The following XNDC1N variants were observed in gnomAD, a reference collection of about 807,000 sequenced individuals.
XNDC1N encodes XRCC1 N-terminal domain containing 1, N-terminal like.
the XNDC1N span, among the ~76,000 whole-genome samples, chr11:71,885,010 C>T: frequency 7.2e-5 from 11 of 152,158 alleles, no homozygotes; most frequent in African/African-American, 2.2e-4. Context: ...TTTTAGGATC[C>T]GCGGTGGATA....
chr11:71,898,777 T>C, the XNDC1N span, among the ~76,000 whole-genome samples: 3 of 152,284 alleles, frequency 2.0e-5, no homozygotes, highest in South Asian at 2.1e-4. Flanking sequence ...AAAACTGTTC[T>C]GGAGACGATG....
chr11:71,917,551 T>C, the XNDC1N span: 6 of 703,546 alleles, frequency 8.5e-6, no homozygotes, highest in African/African-American at 5.2e-5. Flanking sequence ...GCACTCACAG[T>C]CCTCTTTAGT....
At chr11:71,887,376 A>G in the XNDC1N span, among the ~76,000 whole-genome samples, 226 of 152,240 alleles carry the variant, frequency 1.5e-3, no homozygotes, top group Middle Eastern at 0.01. Context: ...GCAAGCTGAG[A>G]GCCACTATCT....
At chr11:71,917,366 G>A in the XNDC1N span, 14 of 610,380 alleles carry the variant, frequency 2.3e-5, no homozygotes, top group South Asian at 9.9e-5. Context: ...GGGCCCTACC[G>A]AACCACAAGT....
At chr11:71,917,659 T>C in the XNDC1N span, 1 of 703,346 alleles carries the variant, frequency 1.4e-6, no homozygotes, top group African/African-American at 1.7e-5. Context: ...GTTCTTCCCC[T>C]GCTTTGAATC....
At chr11:71,917,424 A>G in the XNDC1N span, 2 of 629,638 alleles carry the variant, frequency 3.2e-6, no homozygotes, top group East Asian at 5.5e-5. Flanking sequence ...CCCAGCTAGC[A>G]TGCATCCTCA....
chr11:71,916,322 A>G, the XNDC1N span: 1 of 688,520 alleles, frequency 1.5e-6, no homozygotes, highest in South Asian at 1.5e-5. Flanking sequence ...AGAGGAAGAA[A>G]AGGTCAATAC....
chr11:71,878,287 G>A, the XNDC1N span, among the ~76,000 whole-genome samples: 4 of 152,162 alleles, frequency 2.6e-5, no homozygotes, highest in African/African-American at 9.7e-5. Flanking sequence ...CATGATGATT[G>A]CATGCTGTCT....
At chr11:71,903,498 T>C in the XNDC1N span, 8,794 of 739,764 alleles carry the variant, frequency 0.012, 538 homozygotes, top group African/African-American at 0.14. Context: ...GATGTCTCTC[T>C]TTGCCATTTT....
chr11:71,925,616 T>G, the XNDC1N span, among the ~76,000 whole-genome samples: 1 of 152,114 alleles, frequency 6.6e-6, no homozygotes. Flanking sequence ...TTTAGAGATA[T>G]AAAAATAATA....
chr11:71,910,634 G>A, the XNDC1N span, among the ~76,000 whole-genome samples: 2 of 152,198 alleles, frequency 1.3e-5, no homozygotes, highest in African/African-American at 4.8e-5. Flanking sequence ...GGTAGAAGGT[G>A]TCCAAGAAGA....
At chr11:71,928,368 G>A in the XNDC1N span, 1 of 671,380 alleles carries the variant, frequency 1.5e-6, no homozygotes, top group Admixed American at 2.1e-5. Flanking sequence ...CCCTCACCCG[G>A]GACCGTGGAC....
chr11:71,926,259 C>A, the XNDC1N span, among the ~76,000 whole-genome samples: 3 of 151,954 alleles, frequency 2.0e-5, no homozygotes, highest in Admixed American at 2.0e-4. Flanking sequence ...GACAGTGAAA[C>A]CCTGTCTCAA....
At chr11:71,883,978 T>C in the XNDC1N span, among the ~76,000 whole-genome samples, 1 of 152,216 alleles carries the variant, frequency 6.6e-6, no homozygotes, top group Admixed American at 6.5e-5. Flanking sequence ...CATGGTTTTA[T>C]CTTTATCCAT....
At chr11:71,913,703 G>C in the XNDC1N span, among the ~76,000 whole-genome samples, 1 of 148,818 alleles carries the variant, frequency 6.7e-6, no homozygotes, top group African/African-American at 2.5e-5. Flanking sequence ...AACAAAAGAA[G>C]ATGCCATCTA....
At chr11:71,907,011 G>A in the XNDC1N span, among the ~76,000 whole-genome samples, 1 of 152,186 alleles carries the variant, frequency 6.6e-6, no homozygotes, top group African/African-American at 2.4e-5. Flanking sequence ...TACTCCGTGT[G>A]ACAAAAAAAT....
chr11:71,889,892 G>T, the XNDC1N span, among the ~76,000 whole-genome samples: 1 of 152,154 alleles, frequency 6.6e-6, no homozygotes, highest in African/African-American at 2.4e-5. Context: ...GAGAAATCTC[G>T]TGAAGTAACC....
chr11:71,890,746 C>T, the XNDC1N span, among the ~76,000 whole-genome samples: 39 of 151,884 alleles, frequency 2.6e-4, no homozygotes, highest in Non-Finnish European at 4.3e-4. Flanking sequence ...AGAACAATAT[C>T]GTAGGGGTGG....
At chr11:71,916,844 G>C in the XNDC1N span, 1 of 156,518 alleles carries the variant, frequency 6.4e-6, no homozygotes, top group African/African-American at 2.4e-5. Flanking sequence ...ATCCCTAGAG[G>C]CTAGGAATCA....
Sources: gnomAD v4.1 joint callset for allele counts (sites outside exome capture counted in the v4.1 genomes callset) on GRCh38, gnomAD v4.1.1 for gene constraint, MANE v1.5 for transcripts, NCBI Gene and HGNC (gene_info 2026-07-23, HGNC 2026-07-21) for gene names.